The following SDK1 variants were observed in gnomAD, a reference collection of about 807,000 sequenced individuals.
SDK1 encodes the protein protein sidekick-1.
Under a neutral mutation model 245.5 loss-of-function variants are expected in SDK1, and 157 were observed. That is an observed-to-expected ratio of 0.64 (90% CI 0.56 to 0.73). SDK1 has a LOEUF of 0.73. Among genes scored for constraint, SDK1 ranks in the 30% least tolerant of loss-of-function variants. The probability of loss-of-function intolerance (pLI) is 0.00; values close to 1 mark genes in which losing one functional copy is unlikely to be tolerated. For missense variants in SDK1, 3,583 were observed against 3,002.3 expected (o/e 1.19, Z -4.52); for synonymous variants, 1,647 against 1,278.5 (o/e 1.29, Z -6.15).
rs1190968504 is a variant in SDK1 at position 3,864,662 on chromosome 7, G to GGGATGT, written c.847+43081_847+43086dup. 7.9e-5 allele frequency among the ~76,000 whole-genome samples: 12 copies of GGGATGT among 152,220 alleles called. 1 individual carries two copies. The East Asian group carries it at 1.4e-3, about 17-fold the overall frequency. Reference sequence around the variant, plus strand: ...GGCCGTCCAGTCTCAGACAGCCCTGGGGATGTGAGGGGCAGAGTTGGTGTG... The same window carrying GGGATGT: ...GGCCGTCCAGTCTCAGACAGCCCTGGGGATGTGGATGTGAGGGGCAGAGTTGGTGTG... On this transcript the variant is annotated intron_variant, in intron 5 of 44. Coordinates refer to ENST00000404826, the MANE Select transcript of SDK1 (RefSeq NM_152744.4).
At chr7:3,533,985 A>G (rs184388038) in intron 1 of SDK1, among the ~76,000 whole-genome samples, 19 of 152,310 alleles carry the variant, frequency 1.2e-4, no homozygotes, top group Non-Finnish European at 2.4e-4. Flanking sequence ...TATAGGCACA[A>G]TGCTGTATAG....
chr7:3,377,389 C>G (rs953889601), intron 1 of SDK1, among the ~76,000 whole-genome samples: 1 of 152,086 alleles, frequency 6.6e-6, no homozygotes, highest in Admixed American at 6.5e-5. Flanking sequence ...CCAGCTGCCC[C>G]CTGCGCTAAA....
intron 1 of SDK1, among the ~76,000 whole-genome samples, chr7:3,493,472 G>T (rs983425197): frequency 2.0e-5 from 3 of 152,270 alleles, no homozygotes; most frequent in Middle Eastern, 3.4e-3. Context: ...GTGGTGTGCT[G>T]TTCTCACTGC....
At chr7:3,659,471 C>T (rs1192815851) in intron 4 of SDK1, among the ~76,000 whole-genome samples, 2 of 152,176 alleles carry the variant, frequency 1.3e-5, no homozygotes, top group Non-Finnish European at 2.9e-5. Flanking sequence ...GGCTGGACAT[C>T]TGCGTTTAGT....
intron 1 of SDK1, among the ~76,000 whole-genome samples, chr7:3,354,864 T>C (rs1311139041): frequency 2.0e-5 from 3 of 152,234 alleles, no homozygotes; most frequent in Admixed American, 6.5e-5. Context: ...ACTTAAAGTG[T>C]ACGTACTTGA....
chr7:3,978,829 A>C (rs1237778418), intron 13 of SDK1, among the ~76,000 whole-genome samples: 2 of 152,192 alleles, frequency 1.3e-5, no homozygotes, highest in Non-Finnish European at 2.9e-5. Flanking sequence ...CCTTCAGAGG[A>C]GCCTGAAAGC....
chr7:3,390,989 G>C (rs1781735195), intron 1 of SDK1, among the ~76,000 whole-genome samples: 2 of 152,182 alleles, frequency 1.3e-5, no homozygotes, highest in Admixed American at 1.3e-4. Flanking sequence ...CAGAGCCAAT[G>C]TCTATACTAT....
At chr7:4,052,664 C>A (rs373270449) in intron 19 of SDK1, among the ~76,000 whole-genome samples, 1 of 152,216 alleles carries the variant, frequency 6.6e-6, no homozygotes, top group East Asian at 1.9e-4. Context: ...GGAAGAAATA[C>A]GTCACACAAA....
At chr7:4,139,300 T>G (rs964413498) in intron 28 of SDK1, among the ~76,000 whole-genome samples, 1 of 152,240 alleles carries the variant, frequency 6.6e-6, no homozygotes, top group African/African-American at 2.4e-5. Flanking sequence ...GGTTTTTTTT[T>G]CCTGCTTTTT....
intron 4 of SDK1, among the ~76,000 whole-genome samples, chr7:3,800,344 C>T (rs1779075290): frequency 1.3e-5 from 2 of 151,276 alleles, no homozygotes; most frequent in African/African-American, 4.9e-5. Context: ...ACACTAATCG[C>T]CATCTTTTAC....
intron 1 of SDK1, among the ~76,000 whole-genome samples, chr7:3,389,488 C>G (rs1238573525): frequency 6.6e-6 from 1 of 152,164 alleles, no homozygotes; most frequent in African/African-American, 2.4e-5. Context: ...TCTACCATCA[C>G]CTTCACTGTC....
chr7:3,883,147 G>C (rs570562714), intron 5 of SDK1, among the ~76,000 whole-genome samples: 1 of 152,310 alleles, frequency 6.6e-6, no homozygotes, highest in Non-Finnish European at 1.5e-5. Context: ...TGAGGATGAA[G>C]CAGGAGATTC....
chr7:4,116,269 A>C (rs529141728), intron 25 of SDK1, among the ~76,000 whole-genome samples: 66 of 152,264 alleles, frequency 4.3e-4, no homozygotes, highest in Non-Finnish European at 7.6e-4. Flanking sequence ...TGCTCATCTT[A>C]TCCGTGCCAG....
chr7:3,522,705 G>A (rs557055234), intron 1 of SDK1, among the ~76,000 whole-genome samples: 14 of 152,104 alleles, frequency 9.2e-5, no homozygotes, highest in Non-Finnish European at 1.6e-4. Context: ...ACCGGGGGAC[G>A]TGCTATCCTA....
At chr7:4,174,411 T>C (rs1388609634) in intron 33 of SDK1, 54 bp downstream of exon 33, 2 of 1,576,222 alleles carry the variant, frequency 1.3e-6, no homozygotes, top group Admixed American at 1.7e-5. Flanking sequence ...AGGGGACCCT[T>C]GGTATCTGCT....
chr7:4,196,922 C>A (rs144566250), intron 35 of SDK1, among the ~76,000 whole-genome samples: 1 of 152,238 alleles, frequency 6.6e-6, no homozygotes, highest in African/African-American at 2.4e-5. Context: ...ACCAGAGATG[C>A]TAAGGCCATA....
intron 1 of SDK1, among the ~76,000 whole-genome samples, chr7:3,538,289 G>C (rs940495977): frequency 6.6e-6 from 1 of 152,078 alleles, no homozygotes; most frequent in African/African-American, 2.4e-5. Context: ...TTTTCCAGCT[G>C]TCCGCATTTT....
chr7:3,665,759 C>T (rs959705542), intron 4 of SDK1, among the ~76,000 whole-genome samples: 3 of 152,186 alleles, frequency 2.0e-5, no homozygotes, highest in Non-Finnish European at 2.9e-5. Context: ...TTTGTTTATG[C>T]TCCCCTTGCC....
At chr7:3,741,610 C>A (rs1779476360) in intron 4 of SDK1, among the ~76,000 whole-genome samples, 1 of 152,136 alleles carries the variant, frequency 6.6e-6, no homozygotes, top group Non-Finnish European at 1.5e-5. Context: ...ACTCAGCATG[C>A]AGATTTATGT....
Sources: gnomAD v4.1 joint callset for allele counts (sites outside exome capture counted in the v4.1 genomes callset) on GRCh38, gnomAD v4.1.1 for gene constraint, MANE v1.5 for transcripts, NCBI Gene and HGNC (gene_info 2026-07-23, HGNC 2026-07-21) for gene names.